The following ASIC2 variants were observed in gnomAD, a reference collection of about 807,000 sequenced individuals.
The protein encoded by ASIC2 is acid-sensing ion channel 2.
In ASIC2, 25 loss-of-function variants were observed where a neutral mutation model predicts 57.3. That is an observed-to-expected ratio of 0.44 (90% CI 0.32 to 0.61). The LOEUF is 0.61. Ranked by LOEUF, ASIC2 falls within the 20% of genes least tolerant of loss-of-function variation. The pLI, the probability that ASIC2 is intolerant of heterozygous loss-of-function variation, is 0.06. For missense variants in ASIC2, 641 were observed against 738.1 expected (o/e 0.87, Z 1.52); for synonymous variants, 319 against 307.5 (o/e 1.04, Z -0.39).
chr17:34,072,591 T>C (rs1019131745), intron 1 of ASIC2, among the ~76,000 whole-genome samples: 2 of 152,210 alleles, frequency 1.3e-5, no homozygotes, highest in African/African-American at 4.8e-5. Context: ...AAGTCACCCA[T>C]AACCCTCTAC....
intron 2 of ASIC2, among the ~76,000 whole-genome samples, chr17:33,096,627 C>T (rs146777504): frequency 1.9e-3 from 295 of 152,008 alleles, no homozygotes; most frequent in South Asian, 9.1e-3. Context: ...GGGAGGTGGA[C>T]GATAACAAAC....
chr17:33,019,531 G>A (rs1370700868), intron 7 of ASIC2, among the ~76,000 whole-genome samples: 1 of 152,006 alleles, frequency 6.6e-6, no homozygotes, highest in Non-Finnish European at 1.5e-5. Flanking sequence ...GGTGGGGTAT[G>A]CTGTGGGTAG....
chr17:34,029,081 C>T (rs1222750536), intron 1 of ASIC2, among the ~76,000 whole-genome samples: 1 of 152,120 alleles, frequency 6.6e-6, no homozygotes, highest in African/African-American at 2.4e-5. Context: ...TCCTACCTCC[C>T]CCACAACACC....
At chr17:34,062,221 C>A (rs1385221335) in intron 1 of ASIC2, among the ~76,000 whole-genome samples, 1 of 152,080 alleles carries the variant, frequency 6.6e-6, no homozygotes, top group Non-Finnish European at 1.5e-5. Flanking sequence ...CCAAAAGGAA[C>A]CTTCAAAACC....
At chr17:33,978,230 A>G (rs1905467075) in intron 1 of ASIC2, among the ~76,000 whole-genome samples, 1 of 152,200 alleles carries the variant, frequency 6.6e-6, no homozygotes, top group East Asian at 1.9e-4. Context: ...AGCTGCTAGA[A>G]GCCTCATTTG....
At chr17:33,272,088 C>T (rs1004269380) in intron 1 of ASIC2, among the ~76,000 whole-genome samples, 13 of 152,212 alleles carry the variant, frequency 8.5e-5, no homozygotes, top group African/African-American at 3.1e-4. Context: ...TTGATTGCAT[C>T]CCCCTATCAT....
intron 1 of ASIC2, among the ~76,000 whole-genome samples, chr17:33,797,378 C>T (rs1376234145): frequency 6.6e-6 from 1 of 152,084 alleles, no homozygotes; most frequent in African/African-American, 2.4e-5. Context: ...AGAATGAAAT[C>T]CCTTGGCGGC....
chr17:33,843,067 T>A (rs1409161158), intron 1 of ASIC2, among the ~76,000 whole-genome samples: 1 of 152,244 alleles, frequency 6.6e-6, no homozygotes, highest in African/African-American at 2.4e-5. Context: ...GTTATGCCCG[T>A]GCACATACGA....
At chr17:33,412,144 C>T (rs895982272) in intron 1 of ASIC2, among the ~76,000 whole-genome samples, 13 of 152,300 alleles carry the variant, frequency 8.5e-5, no homozygotes, top group South Asian at 8.3e-4. Context: ...TCTGAGCCTT[C>T]GTTGGGCCAG....
chr17:33,292,213 C>G lies in ASIC2; in HGVS notation c.-98G>C. ...CAGTGGAAGCAGCAGCAGCGGCAGC[C>G]GCGCGCAGCCCGCGCCAGGGAAGCG... On this transcript the variant is annotated 5_prime_UTR_variant, in exon 1 of 10. Coordinates refer to ENST00000225823, the MANE Select transcript of ASIC2 (RefSeq NM_183377.2). The G allele has an allele frequency of 2.0e-6, 2 of 1,002,320 alleles. No homozygotes were observed. Among genetic ancestry groups the G allele is most frequent in the Non-Finnish European group, 2.4e-6 (2 of 843,042 alleles). 62.1% of individuals were successfully genotyped at this position (1,002,320 alleles called of 1,614,324 possible). A position where few individuals can be genotyped will look rare whatever the true frequency, so the allele number is the denominator to read the frequency against.
intron 1 of ASIC2, among the ~76,000 whole-genome samples, chr17:33,843,615 T>C (rs554381539): frequency 1.2e-4 from 19 of 152,344 alleles, no homozygotes; most frequent in African/African-American, 4.6e-4. Context: ...GGGAAAACCC[T>C]GATTCATGCA....
chr17:33,153,240 C>A (rs1904872462), intron 1 of ASIC2, among the ~76,000 whole-genome samples: 1 of 152,232 alleles, frequency 6.6e-6, no homozygotes, highest in Non-Finnish European at 1.5e-5. Flanking sequence ...TGGGGTTCTC[C>A]CCGATGCTCT....
chr17:33,336,638 T>C (rs1230603898), intron 1 of ASIC2, among the ~76,000 whole-genome samples: 1 of 152,104 alleles, frequency 6.6e-6, no homozygotes, highest in Non-Finnish European at 1.5e-5. Context: ...AATAGTGAAG[T>C]TCAGAGAGGT....
chr17:33,691,075 G>A (rs1222693643), intron 1 of ASIC2, among the ~76,000 whole-genome samples: 2 of 152,070 alleles, frequency 1.3e-5, no homozygotes, highest in Admixed American at 1.3e-4. Context: ...ATTCTTAACA[G>A]TTAAATAGCA....
chr17:33,761,094 C>T (rs1910764255), intron 1 of ASIC2, among the ~76,000 whole-genome samples: 1 of 152,058 alleles, frequency 6.6e-6, no homozygotes, highest in South Asian at 2.1e-4. Context: ...GTTCTAAATC[C>T]AAAGGCAGCA....
At chr17:33,529,118 A>G (rs949481204) in intron 1 of ASIC2, among the ~76,000 whole-genome samples, 2 of 152,242 alleles carry the variant, frequency 1.3e-5, no homozygotes, top group African/African-American at 4.8e-5. Context: ...GGGCTCCCAC[A>G]AGGGGAGTGA....
At chr17:33,646,471 A>C (rs1360930995) in intron 1 of ASIC2, among the ~76,000 whole-genome samples, 1 of 152,178 alleles carries the variant, frequency 6.6e-6, no homozygotes, top group Non-Finnish European at 1.5e-5. Flanking sequence ...GGGTGGTATA[A>C]GAAAGTTGAA....
intron 3 of ASIC2, among the ~76,000 whole-genome samples, chr17:33,047,800 T>C (rs1192698304): frequency 1.3e-5 from 2 of 152,242 alleles, no homozygotes; most frequent in African/African-American, 2.4e-5. Flanking sequence ...ATGAAAACTT[T>C]GAATGGGAAT....
intron 1 of ASIC2, among the ~76,000 whole-genome samples, chr17:33,144,150 A>G (rs982636467): frequency 6.0e-5 from 8 of 134,040 alleles, no homozygotes; most frequent in African/African-American, 2.4e-4. Context: ...ATTAAAAAAC[A>G]AACAAACAAA....
Sources: allele counts gnomAD v4.1 joint callset (sites outside exome capture counted in the v4.1 genomes callset), GRCh38; gene constraint gnomAD v4.1.1; transcripts MANE v1.5; gene names NCBI Gene and HGNC (gene_info 2026-07-23, HGNC 2026-07-21).